Variants in MXD1 observed in about 807,000 individuals in gnomAD.
MXD1 encodes the protein MAX-binding protein.
In MXD1, 9 loss-of-function variants were observed where a neutral mutation model predicts 25.7. That is an observed-to-expected ratio of 0.35 (90% CI 0.21 to 0.61). MXD1 has a LOEUF of 0.61. MXD1 is among the 20% of genes least tolerant of loss of function. The pLI is 0.75. For missense variants in MXD1, 227 were observed against 292.4 expected, an observed-to-expected ratio of 0.78 and a Z score of 1.63; for synonymous variants, 99 against 113.9, an observed-to-expected ratio of 0.87 and a Z score of 0.83.
intron 2 of MXD1, among the ~76,000 whole-genome samples, chr2:69,919,815 G>C (rs369178468): frequency 7.2e-5 from 11 of 152,174 alleles, no homozygotes; most frequent in African/African-American, 2.6e-4. Flanking sequence ...GAATGCTGAG[G>C]GATAACCAAG....
rs1351071013 is a variant in MXD1, at chr2:69,942,153, T to A, written c.*3869T>A. 1 of 152,196 alleles carries A rather than the reference T, an allele frequency of 6.6e-6. No individual in the cohort carries two copies. Among genetic ancestry groups the A allele is most frequent in the Non-Finnish European group, 1.5e-5 (1 of 68,036 alleles). The allele number at this position is 152,196 out of a possible 1,614,324, so 9.4% of individuals were successfully genotyped here. A position where few individuals can be genotyped will look rare whatever the true frequency, so the allele number is the denominator to read the frequency against. ...CTTGCATGTCAATCTATTCTTTTTCTATGTTTGACTCTGATGCAGTGTGTT... is the reference window on the plus strand; with the variant it reads ...CTTGCATGTCAATCTATTCTTTTTCAATGTTTGACTCTGATGCAGTGTGTT... On this transcript the variant is annotated 3_prime_UTR_variant, in exon 6 of 6. Coordinates refer to ENST00000264444, the MANE Select transcript of MXD1 (RefSeq NM_002357.4).
chr2:69,934,019 A>G (rs898247308), intron 3 of MXD1, among the ~76,000 whole-genome samples: 1 of 152,220 alleles, frequency 6.6e-6, no homozygotes, highest in Non-Finnish European at 1.5e-5. Context: ...GTCCTCTAGA[A>G]GCTTAAAGTC....
chr2:69,921,681 A>G lies in MXD1; in HGVS notation c.174-55A>G. 4 of 1,509,994 alleles carry G rather than the reference A, an allele frequency of 2.6e-6. No individual in the cohort carries two copies. In the South Asian group the frequency reaches 3.6e-5, roughly 13 times the overall value. 93.5% of individuals were successfully genotyped at this position (1,509,994 alleles called of 1,614,324 possible). ...GTTAAAAGAATTGTGTTGGTGTTGA[A>G]GTAGTTCTTTAAGACAAAAATATCT... On this transcript the variant is annotated intron_variant, in intron 2 of 5. Coordinates refer to ENST00000264444, the MANE Select transcript of MXD1 (RefSeq NM_002357.4).
rs1676933686 is a variant in MXD1, at chr2:69,915,139, C to T, written c.-192C>T. The stretch of plus-strand genomic sequence containing the variant: ...GCTCCGGGTTCTGTCACTGTGTCGG[C>T]GGTGCCCAGCTCACTGGCCCCCTCC... On this transcript the variant is annotated 5_prime_UTR_variant, in exon 1 of 6. Coordinates refer to ENST00000264444, the MANE Select transcript of MXD1 (RefSeq NM_002357.4). The surrounding 1 kb of genome is among the most constrained non-coding windows in gnomAD (Gnocchi z 5.8). The T allele has an allele frequency of 9.5e-6, 4 of 420,758 alleles. No individual in the cohort carries two copies. Among genetic ancestry groups the T allele is most frequent in the African/African-American group, 2.0e-5 (1 of 48,866 alleles). The allele number at this position is 420,758 out of a possible 1,614,324, so 26.1% of individuals were successfully genotyped here.
intron 3 of MXD1, among the ~76,000 whole-genome samples, chr2:69,934,561 T>G (rs12623961): frequency 0.045 from 6,794 of 152,182 alleles, 355 homozygotes; most frequent in African/African-American, 0.13. Flanking sequence ...CTTCCTTATC[T>G]CTGTCTGACT....
In MXD1 at chr2:69,942,851, A is replaced by T. The variant is rs1677642397; in HGVS notation, c.*4567A>T. ...CTACAGTTAGCACATGCATTTTTAG[A>T]AACTACTACATGTTTTAGAGAATCT... On this transcript the variant is annotated 3_prime_UTR_variant, in exon 6 of 6. Transcript: ENST00000264444. The T allele has an allele frequency of 6.6e-6, 1 of 152,090 alleles. No homozygotes were observed. The highest frequency in any genetic ancestry group is 2.4e-5 in the African/African-American group (1 of 41,328). The allele number at this position is 152,090 out of a possible 1,614,324, so 9.4% of individuals were successfully genotyped here. A position where few individuals can be genotyped will look rare whatever the true frequency, so the allele number is the denominator to read the frequency against.
At position 69,932,993 on chromosome 2, in the gene MXD1, G is replaced by A. The variant is rs1019856092; in HGVS notation, c.204-2358G>A. Among the ~76,000 whole-genome samples the A allele has an allele frequency of 3.2e-4, 49 of 152,182 alleles. 1 individual carries two copies. The highest frequency in any genetic ancestry group is 3.4e-3 in the Middle Eastern group (1 of 294). On this transcript the variant is annotated intron_variant, in intron 3 of 5. Coordinates refer to ENST00000264444, the MANE Select transcript of MXD1 (RefSeq NM_002357.4). ...GCAGGCAGATTGCTTGAGGTCAGGA[G>A]TTCGAGACCAGCCTGGCCAACATGG...
Position 69,915,226 on chromosome 2 carries a change from C to A in MXD1, c.-105C>A. Reference sequence around the variant, plus strand: ...CAGCCCTGCTCCGCGGGGTCCACAGCGGGCTCCACAGCGGGCTCCATAGCG... The same window carrying A: ...CAGCCCTGCTCCGCGGGGTCCACAGAGGGCTCCACAGCGGGCTCCATAGCG... On this transcript the variant is annotated 5_prime_UTR_variant, in exon 1 of 6. Transcript: ENST00000264444. The surrounding 1 kb of genome is among the most constrained non-coding windows in gnomAD (Gnocchi z 5.8). 1 of 1,040,750 alleles carries A rather than the reference C, an allele frequency of 9.6e-7. No individual in the cohort carries two copies. The highest frequency in any genetic ancestry group is 1.3e-6 in the Non-Finnish European group (1 of 793,076). The allele number at this position is 1,040,750 out of a possible 1,614,324, so 64.5% of individuals were successfully genotyped here.
chr2:69,941,332 G>A lies in MXD1; in HGVS notation c.*3048G>A, dbSNP rs559201114. On this transcript the variant is annotated 3_prime_UTR_variant, in exon 6 of 6. Transcript: ENST00000264444. ...GAATGGTGGGCCGAGCACCCAGGTC[G>A]TCTGTATTTTGGTTTTCTTTTGCTA... 4 of 152,288 alleles carry A rather than the reference G, an allele frequency of 2.6e-5. No individual in the cohort carries two copies. Among genetic ancestry groups the A allele is most frequent in the South Asian group, 4.1e-4 (2 of 4,830 alleles). The allele number at this position is 152,288 out of a possible 1,614,324, so 9.4% of individuals were successfully genotyped here. A position where few individuals can be genotyped will look rare whatever the true frequency, so the allele number is the denominator to read the frequency against.
chr2:69,932,914 T>G (rs1359085022), intron 3 of MXD1, among the ~76,000 whole-genome samples: 2 of 152,160 alleles, frequency 1.3e-5, no homozygotes, highest in East Asian at 3.9e-4. Flanking sequence ...GAACTTTTTC[T>G]TCTAATTGGA....
chr2:69,930,948 A>T (rs1214936072), intron 3 of MXD1, among the ~76,000 whole-genome samples: 1 of 152,230 alleles, frequency 6.6e-6, no homozygotes. Context: ...CTGAGGCTAC[A>T]CAGAGTTAAG....
intron 3 of MXD1, among the ~76,000 whole-genome samples, chr2:69,930,301 C>G (rs1476674374): frequency 6.6e-6 from 1 of 150,626 alleles, no homozygotes; most frequent in Non-Finnish European, 1.5e-5. Flanking sequence ...TTGGACTTCC[C>G]AAGTCAATAC....
At chr2:69,922,581 T>C (rs910306417) in intron 3 of MXD1, among the ~76,000 whole-genome samples, 23 of 152,320 alleles carry the variant, frequency 1.5e-4, no homozygotes, top group Middle Eastern at 3.4e-3. Context: ...CTTTTTATTA[T>C]AGAAAATTTC....
Position 69,938,138 on chromosome 2 carries a change from G to A in MXD1, c.520G>A (p.Gly174Ser). Residue 174 changes from glycine (G) to serine (S), a missense_variant, in exon 6 of 6, where the codon GGT becomes AGT. Gly to Ser is a moderately conservative substitution (Grantham distance 56, BLOSUM62 0). Coordinates refer to ENST00000264444, the MANE Select transcript of MXD1 (RefSeq NM_002357.4). ...CGTGGAGAGCACGGACTATCTCACAGGTGATCTGGACTGGAGCAGCAGCAG... is the reference window on the plus strand; with the variant it reads ...CGTGGAGAGCACGGACTATCTCACAAGTGATCTGGACTGGAGCAGCAGCAG... ...VDVESTDYLT[G>S]DLDWSSSSVS... 1 of 1,614,232 alleles carries A rather than the reference G, an allele frequency of 6.2e-7. No homozygotes were observed. The highest frequency in any genetic ancestry group is 1.1e-5 in the South Asian group (1 of 91,086).
At chr2:69,926,901 T>C (rs923983862) in intron 3 of MXD1, among the ~76,000 whole-genome samples, 13 of 152,224 alleles carry the variant, frequency 8.5e-5, no homozygotes, top group African/African-American at 3.1e-4. Flanking sequence ...AAGATGGCTC[T>C]GGCGTCTCCT....
chr2:69,916,135 T>TA lies in MXD1; in HGVS notation c.89dup (p.Tyr30Ter). Residue 30 changes from tyrosine to a stop codon, truncating the protein, a stop_gained and frameshift_variant, in exon 2 of 6, where the codon TAT becomes TAAT. Transcript: ENST00000264444. LOFTEE classifies it high-confidence loss of function. The stretch of plus-strand genomic sequence containing the variant: ...CTGTTTTCTAGAAGCTGAACATGGT[T>TA]ATGCCTCCATGTTACCATACAATAA... ...ERREREAEHG[Y>*]ASMLPYNNKD... The TA allele has an allele frequency of 1.2e-6, 2 of 1,609,976 alleles. No homozygotes were observed. Among genetic ancestry groups the TA allele is most frequent in the Non-Finnish European group, 1.7e-6 (2 of 1,176,308 alleles).
intron 3 of MXD1, among the ~76,000 whole-genome samples, chr2:69,932,924 A>G (rs1210956062): frequency 6.6e-6 from 1 of 152,120 alleles, no homozygotes; most frequent in Admixed American, 6.5e-5. Flanking sequence ...TTCTAATTGG[A>G]AAATTAGCTC....
In MXD1 at chr2:69,937,306, G is replaced by T; in HGVS notation, c.390G>T (p.Lys130Asn). The T allele has an allele frequency of 3.7e-6, 6 of 1,614,226 alleles. No homozygotes were observed. Among genetic ancestry groups the T allele is most frequent in the Non-Finnish European group, 5.1e-6 (6 of 1,180,042 alleles). ...TTCAGCGAGAGCAGCGACACCTGAA[G>T]AGGCAGCTGGAGAAGCTGGGCATTG... ...DQLQREQRHL[K>N]RQLEKLGIER... The change falls in exon 5 of 6, where the codon AAG becomes AAT. Residue 130 changes from lysine to asparagine, a missense_variant. By Grantham distance (94) the Lys-to-Asn change is moderately conservative. Transcript: ENST00000264444.
Position 69,941,297 on chromosome 2 carries a change from T to C in MXD1, c.*3013T>C, listed in dbSNP as rs1408648705. 6.6e-6 allele frequency: 1 copy of C among 152,190 alleles called. No homozygotes were observed. The highest frequency in any genetic ancestry group is 1.5e-5 in the Non-Finnish European group (1 of 68,036). The allele number at this position is 152,190 out of a possible 1,614,324, so 9.4% of individuals were successfully genotyped here. On this transcript the variant is annotated 3_prime_UTR_variant, in exon 6 of 6. Transcript: ENST00000264444. The stretch of plus-strand genomic sequence containing the variant: ...CCTGAAAACATAGCTTTCCATCCCC[T>C]GTTGGCTTTGAATGGTGGGCCGAGC...
Sources: gnomAD v4.1 joint callset for allele counts (sites outside exome capture counted in the v4.1 genomes callset) on GRCh38, gnomAD v4.1.1 for gene constraint, Gnocchi (gnomAD v3.1) non-coding constraint, MANE v1.5 for transcripts, NCBI Gene and HGNC (gene_info 2026-07-23, HGNC 2026-07-21) for gene names.